The following NRG4 variants were observed in gnomAD, a reference collection of about 807,000 sequenced individuals.
NRG4 encodes the protein neuregulin 4.
In NRG4, 10 loss-of-function variants were observed where a neutral mutation model predicts 15.0. The ratio of observed to expected loss-of-function variants is 0.67; its 90% confidence interval spans 0.41 to 1.13. The LOEUF (loss-of-function observed/expected upper bound fraction) is 1.13. NRG4 is among the 50% of genes most tolerant of loss of function. The pLI is 0.00. For synonymous variants in NRG4, 41 were observed against 50.1 expected (o/e 0.82, Z 0.77); for missense variants, 139 against 140.2 (o/e 0.99, Z 0.04).
intron 4 of NRG4, among the ~76,000 whole-genome samples, chr15:76,044,772 C>T (rs1010402143): frequency 2.0e-5 from 3 of 146,756 alleles, no homozygotes; most frequent in Non-Finnish European, 3.0e-5. Context: ...ACCTAGAAGA[C>T]GGAGCTTGTA....
rs2031105080 is a variant in NRG4 at position 75,942,547 on chromosome 15, T to C, written c.*1091A>G. 6.6e-6 allele frequency: 1 copy of C among 152,204 alleles called. No individual in the cohort carries two copies. The highest frequency in any genetic ancestry group is 1.5e-5 in the Non-Finnish European group (1 of 68,028). The allele number at this position is 152,204 out of a possible 1,614,324, so 9.4% of individuals were successfully genotyped here. ...TTTCATTTTGTGTACTCTGTCTCAA[T>C]GTCTTACCCTCATGTGTTTGTGAAA... On this transcript the variant is annotated 3_prime_UTR_variant, in exon 6 of 6. Coordinates refer to ENST00000394907, the MANE Select transcript of NRG4 (RefSeq NM_138573.4).
chr15:76,050,453 T>TA (rs1432546598), intron 4 of NRG4, among the ~76,000 whole-genome samples: 1 of 142,486 alleles, frequency 7.0e-6, no homozygotes, highest in African/African-American at 2.8e-5. Flanking sequence ...TTTTTTTTTT[T>TA]TTTTTTGAAA....
rs10572540 is a variant in NRG4 at position 76,023,130 on chromosome 15, C to CCACA, written c.-56-11848_-56-11845dup. The stretch of plus-strand genomic sequence containing the variant: ...ACTAGAGACACCTGGCACCCATACT[C>CCACA]CACACACACACACACACACACACAC... On this transcript the variant is annotated intron_variant, in intron 5 of 8. Coordinates refer to the NRG4 transcript ENST00000563910. Among the ~76,000 whole-genome samples the CCACA allele has an allele frequency of 8.3e-3, 1,003 of 120,120 alleles. 10 individuals are homozygous for CCACA. Among genetic ancestry groups the CCACA allele is most frequent in the African/African-American group, 0.022 (744 of 33,310 alleles). The allele number at this position is 120,120 out of a possible 152,430, so 78.8% of individuals were successfully genotyped here.
chr15:75,986,836 G>T (rs1045761581), intron 3 of NRG4, among the ~76,000 whole-genome samples: 1 of 152,136 alleles, frequency 6.6e-6, no homozygotes, highest in Non-Finnish European at 1.5e-5. Context: ...ACTAAGCCTA[G>T]TTTCAGATGG....
At position 76,022,425 on chromosome 15, in the gene NRG4, TAC is replaced by T. The variant is rs67005026; in HGVS notation, c.-56-11141_-56-11140del. Among the ~76,000 whole-genome samples, 1,471 of 149,502 alleles carry T rather than the reference TAC, an allele frequency of 9.8e-3. 11 individuals carry two copies. Among genetic ancestry groups the T allele is most frequent in the Middle Eastern group, 0.038 (11 of 292 alleles). On this transcript the variant is annotated intron_variant, in intron 5 of 8. Transcript: ENST00000563910. ...AGACACATATGTATGTCAATATTTT[TAC>T]ACACACACACACACACACACACACA... is the stretch of plus-strand genomic sequence containing the variant.
intron 5 of NRG4, among the ~76,000 whole-genome samples, chr15:76,031,181 G>GAA (rs143434757): frequency 7.9e-5 from 12 of 151,912 alleles, no homozygotes; most frequent in African/African-American, 2.9e-4. Context: ...ATTCATGAGG[G>GAA]AAAAAAAATC....
intron 5 of NRG4, among the ~76,000 whole-genome samples, chr15:76,027,774 T>A (rs1373034314): frequency 6.6e-6 from 1 of 152,042 alleles, no homozygotes; most frequent in Non-Finnish European, 1.5e-5. Context: ...ACTGACAACA[T>A]ATTAGGACAC....
In NRG4 at chr15:76,020,023, G is replaced by A. The variant is rs117793951; in HGVS notation, c.-56-8737C>T. Among the ~76,000 whole-genome samples the A allele has an allele frequency of 3.6e-3, 541 of 152,092 alleles. 23 individuals are homozygous for A. In the East Asian group the frequency reaches 0.093, roughly 26 times the overall value. ...ATTTTGGTAATCCTTGCAATATTTC[G>A]AACTTTTTCATTATTATTCTATCGG... On this transcript the variant is annotated intron_variant, in intron 5 of 8. Coordinates refer to the NRG4 transcript ENST00000563910.
intron 3 of NRG4, among the ~76,000 whole-genome samples, chr15:75,982,656 T>C (rs1280004925): frequency 1.3e-5 from 2 of 152,230 alleles, no homozygotes; most frequent in African/African-American, 4.8e-5. Context: ...AAATTCCTGC[T>C]TCTGCAGCTT....
In NRG4 at chr15:75,968,021, C is replaced by T. The variant is rs77406973; in HGVS notation, c.105-6047G>A. Among the ~76,000 whole-genome samples, 385 of 152,224 alleles carry T rather than the reference C, an allele frequency of 2.5e-3. 3 individuals carry two copies. Among genetic ancestry groups the T allele is most frequent in the African/African-American group, 8.8e-3 (367 of 41,518 alleles). ...AGGCACAGTGAATGAAGAAGCATGTCGAACAAATGGTGAGAGTAAGCAACA... is the reference window on the plus strand; with the variant it reads ...AGGCACAGTGAATGAAGAAGCATGTTGAACAAATGGTGAGAGTAAGCAACA... On this transcript the variant is annotated intron_variant, in intron 3 of 5. Coordinates refer to ENST00000394907, the MANE Select transcript of NRG4 (RefSeq NM_138573.4).
At chr15:76,015,074 G>T (rs2034935087), upstream of NRG4, among the ~76,000 whole-genome samples, 1 of 152,268 alleles carries the variant, frequency 6.6e-6, no homozygotes, top group African/African-American at 2.4e-5. Context: ...CTTGTGAGTT[G>T]TATTCCTAGG....
intron 2 of NRG4, among the ~76,000 whole-genome samples, chr15:76,056,511 C>T (rs1037428410): frequency 6.6e-6 from 1 of 151,664 alleles, no homozygotes; most frequent in South Asian, 2.1e-4. Flanking sequence ...AAATAAAAAA[C>T]GACTTAGATA....
At chr15:75,959,084 C>T (rs540515484) in intron 4 of NRG4, 105 of 366,362 alleles carry the variant, frequency 2.9e-4, no homozygotes, top group African/African-American at 1.9e-3. Flanking sequence ...TGGGCTCAAG[C>T]GATCTTCCCA....
At chr15:75,989,119 A>G (rs1192633620) in intron 3 of NRG4, among the ~76,000 whole-genome samples, 5 of 152,104 alleles carry the variant, frequency 3.3e-5, no homozygotes, top group African/African-American at 1.2e-4. Context: ...TGGCTTCCCA[A>G]AGTGATTTGA....
chr15:75,944,090 T>TA (rs2031284186), intron 5 of NRG4, among the ~76,000 whole-genome samples: 1 of 152,158 alleles, frequency 6.6e-6, no homozygotes, highest in African/African-American at 2.4e-5. Context: ...CAAGGACTAA[T>TA]AAAACCTGTG....
chr15:75,951,056 C>G (rs1192587527), intron 5 of NRG4: 1 of 155,350 alleles, frequency 6.4e-6, no homozygotes, highest in Admixed American at 6.4e-5. Context: ...GTATTTCTCA[C>G]TGTCTGTAAA....
intron 3 of NRG4, among the ~76,000 whole-genome samples, chr15:75,991,754 GGTAC>G (rs2034026339): frequency 6.6e-6 from 1 of 151,634 alleles, no homozygotes; most frequent in African/African-American, 2.4e-5. Context: ...TCTGTTATTA[GGTAC>G]ATATATGTAC....
intron 3 of NRG4, among the ~76,000 whole-genome samples, chr15:75,979,930 T>C (rs777526988): frequency 2.0e-5 from 3 of 152,192 alleles, no homozygotes; most frequent in Admixed American, 2.0e-4. Flanking sequence ...AGCTTTTGTA[T>C]CCTACAGCTG....
intron 5 of NRG4, among the ~76,000 whole-genome samples, chr15:75,945,033 C>T (rs1464479283): frequency 6.6e-6 from 1 of 151,244 alleles, no homozygotes; most frequent in African/African-American, 2.4e-5. Context: ...AAGTCCTTAC[C>T]ATGTCACTGA....
Sources: gnomAD v4.1 joint callset for allele counts (sites outside exome capture counted in the v4.1 genomes callset) on GRCh38, gnomAD v4.1.1 for gene constraint, MANE v1.5 for transcripts, NCBI Gene and HGNC (gene_info 2026-07-23, HGNC 2026-07-21) for gene names.